Variants in SPTBN4 observed in about 807,000 individuals in gnomAD.
SPTBN4 encodes the protein spectrin beta, non-erythrocytic 4, also known as spectrin beta chain, non-erythrocytic 4.
In SPTBN4, 96 loss-of-function variants were observed where a neutral mutation model predicts 277.8. That is an observed-to-expected ratio of 0.35 (90% CI 0.29 to 0.41). The LOEUF (loss-of-function observed/expected upper bound fraction) is 0.41. Ranked by LOEUF, SPTBN4 falls within the 10% of genes least tolerant of loss-of-function variation. The pLI is 1.00. For synonymous variants in SPTBN4, 1,481 were observed against 1,580.3 expected, an observed-to-expected ratio of 0.94 and a Z score of 1.49; for missense variants, 3,006 against 3,595.7, an observed-to-expected ratio of 0.84 and a Z score of 4.19.
rs759989968 is a variant in SPTBN4, at chr19:40,572,199, C to A, written c.7493+7C>A. 3.1e-6 allele frequency: 5 copies of A among 1,593,494 alleles called. No individual in the cohort carries two copies. In the East Asian group the frequency reaches 1.1e-4, roughly 36 times the overall value. ...AGCATGTCTTCAAGCTCCAGTGAGC[C>A]CCCCAATGGGCAGGAGGGAGGGATC... On this transcript the variant is annotated splice_region_variant and intron_variant, in intron 34 of 35. Transcript: ENST00000598249.
rs1423357373 is a variant in SPTBN4 at position 40,528,650 on chromosome 19, C to T, written c.3858-391C>T. 2.6e-5 allele frequency among the ~76,000 whole-genome samples: 4 copies of T among 152,104 alleles called. No homozygotes were observed. The South Asian group carries it at 6.2e-4, about 24-fold the overall frequency. On this transcript the variant is annotated intron_variant, in intron 17 of 35. Transcript: ENST00000598249. ...CTCTGCCTTGCTCCATCTCTTTTCT[C>T]GTCTTTTTTTATTCTCTCTCTCGCT...
chr19:40,554,193 T>C lies in SPTBN4; in HGVS notation c.4721T>C (p.Val1574Ala). 1 of 1,476,156 alleles carries C rather than the reference T, an allele frequency of 6.8e-7. No homozygotes were observed. The highest frequency in any genetic ancestry group is 8.9e-7 in the Non-Finnish European group (1 of 1,126,358). 91.4% of individuals were successfully genotyped at this position (1,476,156 alleles called of 1,614,324 possible). The change falls in exon 23 of 36, where the codon GTG (valine) becomes GCG (alanine). Residue 1574 changes from valine to alanine, a missense_variant. Physicochemically the swap from Val to Ala is moderately conservative, Grantham distance 64 (BLOSUM62 0). This residue lies in a region of SPTBN4 where 1,759 missense variants were observed against 2,061.5 expected (regional missense o/e 0.85). Coordinates refer to ENST00000598249, the MANE Select transcript of SPTBN4 (RefSeq NM_020971.3). This position sits in a 1 kb window ranked among gnomAD's most constrained non-coding sequence, Gnocchi z 5.7. ...IQAHGPRLEE[V>A]LERAGALASL... ...GCGCATGGGCCGCGCCTGGAGGAGG[T>C]GCTGGAGCGCGCGGGCGCGCTGGCG... is the stretch of plus-strand genomic sequence containing the variant.
At chr19:40,523,308 G>A in intron 16 of SPTBN4, 129 bp from the exon 17 acceptor site, 1 of 870,928 alleles carries the variant, frequency 1.1e-6, no homozygotes, top group Non-Finnish European at 1.7e-6. Flanking sequence ...CAGCCCCGAG[G>A]TGGGACCACA....
intron 3 of SPTBN4, 28 bp downstream of exon 3, chr19:40,487,876 G>C: frequency 6.4e-7 from 1 of 1,569,756 alleles, no homozygotes; most frequent in East Asian, 2.3e-5. Context: ...GCTGGGGCAG[G>C]GGTCCTCCCT....
intron 27 of SPTBN4, among the ~76,000 whole-genome samples, chr19:40,562,999 C>T (rs2081058650): frequency 6.6e-6 from 1 of 152,100 alleles, no homozygotes; most frequent in African/African-American, 2.4e-5. Flanking sequence ...CACTTGAGGC[C>T]AGGAGTTTGA....
In SPTBN4 at chr19:40,544,440, C is replaced by CTTTTTTT. The variant is rs3071333; in HGVS notation, c.4360-4731_4360-4725dup. Reference sequence around the variant, plus strand: ...TACAGGCATGAGCCATTGTGCCCGGCTTTTTTTTTTTTTTTTTTTTTTTTG... The same window carrying CTTTTTTT: ...TACAGGCATGAGCCATTGTGCCCGGCTTTTTTTTTTTTTTTTTTTTTTTTTTTTTTTG... On this transcript the variant is annotated intron_variant, in intron 20 of 35. Transcript: ENST00000598249. Among the ~76,000 whole-genome samples, 65 of 51,746 alleles carry CTTTTTTT rather than the reference C, an allele frequency of 1.3e-3. 4 individuals are homozygous for CTTTTTTT. Among genetic ancestry groups the CTTTTTTT allele is most frequent in the African/African-American group, 2.2e-3 (24 of 11,058 alleles). The allele number at this position is 51,746 out of a possible 152,430, so 33.9% of individuals were successfully genotyped here.
In SPTBN4 at chr19:40,572,342, C is replaced by T; in HGVS notation, c.7498C>T (p.Gln2500Ter). The change falls in exon 35 of 36, where the codon CAG (glutamine) becomes TAG (stop). Residue 2500 changes from glutamine to a stop codon, truncating the protein, a stop_gained. Transcript: ENST00000598249. LOFTEE classifies it high-confidence loss of function. ...KKKHVFKLQT[Q>*]DGSEFLLQAK... is the part of the protein sequence containing the mutation. ...GTCCTGTGTCCCTTCCTGCAGGACC[C>T]AGGATGGCAGTGAGTTTTTGCTCCA... 6.2e-7 allele frequency: 1 copy of T among 1,614,142 alleles called. No individual in the cohort carries two copies. The highest frequency in any genetic ancestry group is 2.2e-5 in the East Asian group (1 of 44,880).
intron 20 of SPTBN4, among the ~76,000 whole-genome samples, chr19:40,544,440 C>CTTTTTTTTTTTT (rs3071333): frequency 1.9e-5 from 1 of 51,746 alleles, no homozygotes; most frequent in Non-Finnish European, 3.3e-5. Flanking sequence ...TTGTGCCCGG[C>CTTTTTTTTTTTT]TTTTTTTTTT....
rs1207757395 is a variant in SPTBN4, at chr19:40,491,434, A to G, written c.495+1186A>G. ...AACATTTTATCAAGGGGAGGTGCATACAAGTTTAGAAAGATAGATCCCTTT... is the reference window on the plus strand; with the variant it reads ...AACATTTTATCAAGGGGAGGTGCATGCAAGTTTAGAAAGATAGATCCCTTT... On this transcript the variant is annotated intron_variant, in intron 4 of 35. Coordinates refer to ENST00000598249, the MANE Select transcript of SPTBN4 (RefSeq NM_020971.3). 1.3e-5 allele frequency among the ~76,000 whole-genome samples: 2 copies of G among 152,040 alleles called. 1 individual carries two copies. Among genetic ancestry groups the G allele is most frequent in the Middle Eastern group, 6.3e-3 (2 of 316 alleles).
Position 40,529,695 on chromosome 19 carries a change from C to T in SPTBN4, c.3948+564C>T, listed in dbSNP as rs116375127. On this transcript the variant is annotated intron_variant, in intron 18 of 35. Transcript: ENST00000598249. ...TTCAGGAGACCTGCTGTCTTCCCCT[C>T]CTTCCCTTGCATTCCATAGAAACGA... 4.4e-3 allele frequency among the ~76,000 whole-genome samples: 664 copies of T among 152,264 alleles called. 7 individuals carry two copies. The highest frequency in any genetic ancestry group is 0.015 in the African/African-American group (643 of 41,532).
At chr19:40,483,416 C>A (rs2080034507) in intron 2 of SPTBN4, among the ~76,000 whole-genome samples, 1 of 151,798 alleles carries the variant, frequency 6.6e-6, no homozygotes, top group East Asian at 1.9e-4. Context: ...TGCTATGTAC[C>A]CACTAAAATT....
At chr19:40,470,218 C>T (rs1266109554) in intron 1 of SPTBN4, among the ~76,000 whole-genome samples, 1 of 150,084 alleles carries the variant, frequency 6.7e-6, no homozygotes, top group African/African-American at 2.5e-5. Flanking sequence ...AGACTGGTCT[C>T]GAACCCCTGA....
At chr19:40,521,639 C>T (rs774549771) in intron 16 of SPTBN4, among the ~76,000 whole-genome samples, 9 of 152,186 alleles carry the variant, frequency 5.9e-5, no homozygotes, top group Non-Finnish European at 1.3e-4. Context: ...TCACTCGCCC[C>T]CCCTCCACCT....
At chr19:40,545,083 TTTATTA>T (rs961339582) in intron 20 of SPTBN4, among the ~76,000 whole-genome samples, 8 of 151,352 alleles carry the variant, frequency 5.3e-5, no homozygotes, top group African/African-American at 1.9e-4. Flanking sequence ...TAAAAAAATT[TTTATTA>T]TTATTATTTA....
rs1364291103 is a variant in SPTBN4, at chr19:40,565,539, A to G, written c.6032A>G (p.Asn2011Ser). 1.9e-6 allele frequency: 3 copies of G among 1,614,096 alleles called. No individual in the cohort carries two copies. The highest frequency in any genetic ancestry group is 2.5e-6 in the Non-Finnish European group (3 of 1,179,970). Residue 2011 changes from asparagine to serine, a missense_variant, in exon 28 of 36, where the codon AAC becomes AGC. Coordinates refer to ENST00000598249, the MANE Select transcript of SPTBN4 (RefSeq NM_020971.3). ...GAGCTGGGGCGATCTCTGCTGCTCA[A>G]CAAAAGTGCCATGGCTGATGAGGTG... ...CQELGRSLLLNKSAMADEIQA... is the reference protein window; with the variant it reads ...CQELGRSLLLSKSAMADEIQA...
chr19:40,546,658 T>C (rs146909071), intron 20 of SPTBN4, among the ~76,000 whole-genome samples: 23 of 152,062 alleles, frequency 1.5e-4, no homozygotes, highest in Non-Finnish European at 4.4e-5. Context: ...CTGGGCAACA[T>C]AGCAAGACCC....
chr19:40,557,874 C>T (rs1361482748), intron 26 of SPTBN4, among the ~76,000 whole-genome samples: 4 of 142,536 alleles, frequency 2.8e-5, no homozygotes, highest in East Asian at 2.1e-4. Flanking sequence ...GCCCAGATCT[C>T]GCCATTGCAC....
rs780643836 is a variant in SPTBN4, at chr19:40,557,414, G to A, written c.5670+11G>A. The A allele has an allele frequency of 1.0e-4, 162 of 1,545,628 alleles. No homozygotes were observed. The highest frequency in any genetic ancestry group is 1.3e-4 in the Non-Finnish European group (145 of 1,143,482). ...CTCCTCGTGTCCCAGGTGGGGCGCC[G>A]GTGGCCATCAGGGCAGGTGGGAGGG... On this transcript the variant is annotated intron_variant, in intron 26 of 35. Transcript: ENST00000598249.
At chr19:40,523,797 T>C (rs1299365212) in intron 17 of SPTBN4, among the ~76,000 whole-genome samples, 158 bp downstream of exon 17, 2 of 152,064 alleles carry the variant, frequency 1.3e-5, no homozygotes, top group Non-Finnish European at 2.9e-5. Flanking sequence ...TGTCTTAGAT[T>C]TGATTTAAGT....
Sources: gnomAD v4.1 joint callset for allele counts (sites outside exome capture counted in the v4.1 genomes callset) on GRCh38, gnomAD v4.1.1 for gene constraint, gnomAD v4.1.1 regional missense constraint, Gnocchi (gnomAD v3.1) non-coding constraint, MANE v1.5 for transcripts, NCBI Gene and HGNC (gene_info 2026-07-23, HGNC 2026-07-21) for gene names.